The following GHR variants were observed in gnomAD, a reference collection of about 807,000 sequenced individuals.
GHR encodes the protein GH receptor.
Under a neutral mutation model 67.1 loss-of-function variants are expected in GHR, and 35 were observed. The ratio of observed to expected loss-of-function variants is 0.52; its 90% confidence interval spans 0.40 to 0.69. The LOEUF (loss-of-function observed/expected upper bound fraction) is 0.69, where lower values mean the gene tolerates loss of function less well. Among genes scored for constraint, GHR ranks in the 30% least tolerant of loss-of-function variants. The probability of loss-of-function intolerance (pLI) is 0.00; values close to 1 mark genes in which losing one functional copy is unlikely to be tolerated. For synonymous variants in GHR, 272 were observed against 269.1 expected (o/e 1.01, Z -0.10); for missense variants, 792 against 764.6 (o/e 1.04, Z -0.42).
At chr5:42,679,946 T>C (rs1756773917) in intron 3 of GHR, among the ~76,000 whole-genome samples, 2 of 152,214 alleles carry the variant, frequency 1.3e-5, no homozygotes, top group Admixed American at 1.3e-4. Flanking sequence ...ATGGAAGAAT[T>C]ACATATTCAC....
At position 42,660,961 on chromosome 5, in the gene GHR, G is replaced by A. The variant is rs886884874; in HGVS notation, c.137-27929G>A. Among the ~76,000 whole-genome samples the A allele has an allele frequency of 2.6e-5, 4 of 152,214 alleles. No individual in the cohort carries two copies. The South Asian group carries it at 6.2e-4, about 24-fold the overall frequency. Reference sequence around the variant, plus strand: ...AAGGCTCAAGAACTACATGAAGAATGCAGAAGCCTCAGGAGCCGATGCGAT... The same window carrying A: ...AAGGCTCAAGAACTACATGAAGAATACAGAAGCCTCAGGAGCCGATGCGAT... On this transcript the variant is annotated intron_variant, in intron 3 of 9. Coordinates refer to ENST00000230882, the MANE Select transcript of GHR (RefSeq NM_000163.5).
At chr5:42,588,172 A>G (rs1484508354) in intron 2 of GHR, among the ~76,000 whole-genome samples, 2 of 152,174 alleles carry the variant, frequency 1.3e-5, no homozygotes, top group Non-Finnish European at 2.9e-5. Flanking sequence ...AGAGGCTTCC[A>G]TGATTGTATT....
At chr5:42,432,756 T>C (rs949512330) in intron 1 of GHR, among the ~76,000 whole-genome samples, 1 of 152,142 alleles carries the variant, frequency 6.6e-6, no homozygotes, top group African/African-American at 2.4e-5. Flanking sequence ...ATCAGAAAGA[T>C]TAAAGAAAGA....
intron 2 of GHR, among the ~76,000 whole-genome samples, chr5:42,581,253 C>T (rs1204408393): frequency 2.6e-5 from 4 of 152,170 alleles, no homozygotes; most frequent in Non-Finnish European, 5.9e-5. Context: ...GGACTCACCA[C>T]CCTAAGGCAG....
At chr5:42,694,660 G>A (rs1757581749) in intron 4 of GHR, among the ~76,000 whole-genome samples, 1 of 152,164 alleles carries the variant, frequency 6.6e-6, no homozygotes, top group South Asian at 2.1e-4. Flanking sequence ...ATCGATTTAT[G>A]AGCAGGCATA....
rs796199761 is a variant in GHR, at chr5:42,699,649, TA to T, written c.440-165del. On this transcript the variant is annotated intron_variant, in intron 5 of 9. Coordinates refer to ENST00000230882, the MANE Select transcript of GHR (RefSeq NM_000163.5). The stretch of plus-strand genomic sequence containing the variant: ...AGTTAAAAACAAGTCATCCTTGAGT[TA>T]AAAAAAAAAGTTACTCTCTTATAAA... Among the ~76,000 whole-genome samples, 1,418 of 148,826 alleles carry T rather than the reference TA, an allele frequency of 9.5e-3. 21 individuals are homozygous for T. The highest frequency in any genetic ancestry group is 0.033 in the African/African-American group (1,340 of 40,726).
At chr5:42,570,577 G>A (rs1750238234) in intron 2 of GHR, among the ~76,000 whole-genome samples, 1 of 151,986 alleles carries the variant, frequency 6.6e-6, no homozygotes, top group South Asian at 2.1e-4. Flanking sequence ...TTTAGAGATA[G>A]GAACTTGCTA....
intron 1 of GHR, among the ~76,000 whole-genome samples, chr5:42,462,483 T>C (rs947024770): frequency 1.3e-5 from 2 of 152,236 alleles, no homozygotes; most frequent in Admixed American, 1.3e-4. Flanking sequence ...AATTCAAATA[T>C]AGATTTAAAC....
chr5:42,587,152 C>T (rs1751519720), intron 2 of GHR, among the ~76,000 whole-genome samples: 1 of 151,736 alleles, frequency 6.6e-6, no homozygotes, highest in African/African-American at 2.4e-5. Flanking sequence ...AATTTAAAAA[C>T]ATGTGTCTAC....
At chr5:42,556,805 A>G (rs1448051820) in intron 1 of GHR, among the ~76,000 whole-genome samples, 1 of 152,154 alleles carries the variant, frequency 6.6e-6, no homozygotes, top group Non-Finnish European at 1.5e-5. Flanking sequence ...GTGAAACAGA[A>G]TGCTTCGTTC....
chr5:42,675,125 A>G (rs1437734488), intron 3 of GHR, among the ~76,000 whole-genome samples: 1 of 152,242 alleles, frequency 6.6e-6, no homozygotes. Context: ...CATTCAGTAT[A>G]ATTGTCTTTG....
chr5:42,429,190 G>T (rs1742982416), intron 1 of GHR, among the ~76,000 whole-genome samples: 1 of 152,182 alleles, frequency 6.6e-6, no homozygotes. Context: ...GAGGAATAAG[G>T]CACTCTTACA....
intron 1 of GHR, among the ~76,000 whole-genome samples, chr5:42,478,263 A>G (rs1745436621): frequency 6.6e-6 from 1 of 152,190 alleles, no homozygotes; most frequent in Non-Finnish European, 1.5e-5. Flanking sequence ...TGGTACCAGT[A>G]CCATGCTGTT....
intron 7 of GHR, 71 bp from the exon 8 acceptor site, chr5:42,713,358 G>C: frequency 1.3e-6 from 1 of 759,086 alleles, no homozygotes; most frequent in Non-Finnish European, 2.4e-6. Flanking sequence ...TTTGTGAAAA[G>C]GGAAAGGGAA....
chr5:42,640,190 C>T (rs1316031586), intron 3 of GHR, among the ~76,000 whole-genome samples: 1 of 152,124 alleles, frequency 6.6e-6, no homozygotes, highest in Admixed American at 6.5e-5. Context: ...GGCAAACTCT[C>T]TTACTGGTTT....
chr5:42,571,021 G>A (rs73085419), intron 2 of GHR, among the ~76,000 whole-genome samples: 5,627 of 152,244 alleles, frequency 0.037, 358 homozygotes, highest in African/African-American at 0.13. Flanking sequence ...TTAACCTGTG[G>A]ATTTTTGACT....
intron 3 of GHR, among the ~76,000 whole-genome samples, chr5:42,663,851 G>A (rs1407515907): frequency 1.3e-5 from 2 of 151,656 alleles, no homozygotes; most frequent in South Asian, 4.2e-4. Context: ...AAACCCCATT[G>A]TCTCAGCCCA....
rs1175337580 is a variant in GHR, at chr5:42,468,698, C to A, written c.-12+44743C>A. On this transcript the variant is annotated intron_variant, in intron 1 of 9. Coordinates refer to ENST00000230882, the MANE Select transcript of GHR (RefSeq NM_000163.5). ...CTGCCGCCTTGGAGTTGGTCTGGGT[C>A]GCAGCCTGAGCTGCCGCTCTTGGCC... The A allele has an allele frequency of 8.2e-6, 8 of 981,038 alleles. 1 individual carries two copies. Among genetic ancestry groups the A allele is most frequent in the African/African-American group, 6.5e-5 (4 of 61,736 alleles). The allele number at this position is 981,038 out of a possible 1,614,324, so 60.8% of individuals were successfully genotyped here.
intron 3 of GHR, among the ~76,000 whole-genome samples, chr5:42,632,664 G>A (rs1753985586): frequency 6.6e-6 from 1 of 151,648 alleles, no homozygotes; most frequent in South Asian, 2.1e-4. Flanking sequence ...AAAAAGACCT[G>A]TTTTTGGTTA....
Sources: gnomAD v4.1 joint callset for allele counts (sites outside exome capture counted in the v4.1 genomes callset) on GRCh38, gnomAD v4.1.1 for gene constraint, MANE v1.5 for transcripts, NCBI Gene and HGNC (gene_info 2026-07-23, HGNC 2026-07-21) for gene names.